The following FSTL5 variants were observed in gnomAD, a reference collection of about 807,000 sequenced individuals.
FSTL5 encodes follistatin like 5.
FSTL5 carries 62 observed loss-of-function variants against 89.1 expected under a neutral mutation model. That is an observed-to-expected ratio of 0.70 (90% confidence interval 0.57 to 0.86). The LOEUF (loss-of-function observed/expected upper bound fraction) is 0.86, where lower values mean the gene tolerates loss of function less well. Ranked by LOEUF, FSTL5 falls within the 40% of genes least tolerant of loss-of-function variation. FSTL5 has a pLI of 0.00. For synonymous variants in FSTL5, 383 were observed against 346.2 expected (o/e 1.11, Z -1.18); for missense variants, 1,057 against 1,001.6 (o/e 1.06, Z -0.75).
intron 8 of FSTL5, among the ~76,000 whole-genome samples, chr4:161,555,834 C>T (rs1279403442): frequency 1.3e-5 from 2 of 151,576 alleles, no homozygotes; most frequent in Non-Finnish European, 3.0e-5. Context: ...GCTGGCTACA[C>T]AGAGAATGTC....
At chr4:161,929,709 T>A (rs1306340692) in intron 3 of FSTL5, among the ~76,000 whole-genome samples, 1 of 131,496 alleles carries the variant, frequency 7.6e-6, no homozygotes, top group East Asian at 2.6e-4. Context: ...GTGTACATAG[T>A]TTAAACTTGG....
intron 3 of FSTL5, among the ~76,000 whole-genome samples, chr4:161,993,548 T>C (rs1284539461): frequency 6.6e-6 from 1 of 152,172 alleles, no homozygotes; most frequent in Non-Finnish European, 1.5e-5. Context: ...AGGGTACATG[T>C]TGTATTTTGA....
intron 2 of FSTL5, among the ~76,000 whole-genome samples, chr4:162,034,253 T>C (rs1737648600): frequency 6.6e-6 from 1 of 152,192 alleles, no homozygotes; most frequent in African/African-American, 2.4e-5. Flanking sequence ...CCTTAGGCCA[T>C]TCCATTTAAT....
intron 2 of FSTL5, among the ~76,000 whole-genome samples, chr4:162,108,267 T>C (rs746508970): frequency 6.6e-6 from 1 of 152,142 alleles, no homozygotes; most frequent in Non-Finnish European, 1.5e-5. Flanking sequence ...TGTTTACATA[T>C]AGTTGTAAAT....
rs1272876208 is a variant in FSTL5, at chr4:161,384,836, C to T, written c.*911G>A. ...CAAAAGTAATGTTTCTTTTTTAAAA[C>T]CGAAAGTTCCTGATGATGAAACATT... On this transcript the variant is annotated 3_prime_UTR_variant, in exon 16 of 16. Coordinates refer to ENST00000306100, the MANE Select transcript of FSTL5 (RefSeq NM_020116.5). 1.3e-5 allele frequency: 2 copies of T among 151,938 alleles called. No individual in the cohort carries two copies. Among genetic ancestry groups the T allele is most frequent in the Non-Finnish European group, 2.9e-5 (2 of 67,966 alleles). The allele number at this position is 151,938 out of a possible 1,614,324, so 9.4% of individuals were successfully genotyped here.
intron 15 of FSTL5, among the ~76,000 whole-genome samples, chr4:161,409,983 G>A (rs1731532228): frequency 6.6e-6 from 1 of 152,156 alleles, no homozygotes; most frequent in South Asian, 2.1e-4. Context: ...CTCTCCTCAA[G>A]AGACCGATTT....
At chr4:161,755,462 G>A (rs1740536496) in intron 6 of FSTL5, among the ~76,000 whole-genome samples, 1 of 151,986 alleles carries the variant, frequency 6.6e-6, no homozygotes, top group Non-Finnish European at 1.5e-5. Flanking sequence ...ATGGCAGAGA[G>A]AAAGAACCTG....
chr4:161,442,084 C>T (rs890538209), intron 15 of FSTL5, among the ~76,000 whole-genome samples: 30 of 151,404 alleles, frequency 2.0e-4, no homozygotes, highest in Admixed American at 4.0e-4. Context: ...CCAAAAAGGT[C>T]ACTAAATAAT....
At chr4:161,663,502 C>A (rs376279033) in intron 6 of FSTL5, among the ~76,000 whole-genome samples, 21 of 152,300 alleles carry the variant, frequency 1.4e-4, no homozygotes, top group African/African-American at 4.8e-4. Flanking sequence ...TCTCCTTTGA[C>A]TCCAGGTCTC....
At chr4:161,633,002 A>G (rs1022301555) in intron 7 of FSTL5, among the ~76,000 whole-genome samples, 1 of 151,898 alleles carries the variant, frequency 6.6e-6, no homozygotes, top group African/African-American at 2.4e-5. Context: ...GCTAGAATGG[A>G]TTTTGTTTTC....
At chr4:161,965,677 T>C (rs1020314590) in intron 3 of FSTL5, among the ~76,000 whole-genome samples, 1 of 152,084 alleles carries the variant, frequency 6.6e-6, no homozygotes. Context: ...TTTAAATGTA[T>C]AAAAAAGTGA....
intron 3 of FSTL5, among the ~76,000 whole-genome samples, chr4:161,943,538 C>CTTTTTTTTTTTTTT (rs77101651): frequency 2.9e-5 from 1 of 34,342 alleles, no homozygotes; most frequent in African/African-American, 1.2e-4. Context: ...ACCACTGTAT[C>CTTTTTTTTTTTTTT]TTTTTTTTTT....
chr4:161,519,819 T>C (rs1221414001), intron 10 of FSTL5, among the ~76,000 whole-genome samples: 2 of 152,114 alleles, frequency 1.3e-5, no homozygotes, highest in Non-Finnish European at 1.5e-5. Flanking sequence ...ACTGTATCAT[T>C]TTAAGTATGT....
chr4:161,661,234 T>C (rs1430250604), intron 6 of FSTL5, among the ~76,000 whole-genome samples: 1 of 152,176 alleles, frequency 6.6e-6, no homozygotes, highest in African/African-American at 2.4e-5. Flanking sequence ...GATTCTGCTT[T>C]TCTAAATATC....
At chr4:161,742,523 A>G (rs145072092) in intron 6 of FSTL5, among the ~76,000 whole-genome samples, 135 of 152,322 alleles carry the variant, frequency 8.9e-4, no homozygotes, top group African/African-American at 3.1e-3. Context: ...CTGGGTATAA[A>G]TAGGGTAATG....
intron 4 of FSTL5, among the ~76,000 whole-genome samples, chr4:161,783,853 C>T (rs1280225851): frequency 6.7e-6 from 1 of 149,010 alleles, no homozygotes. Context: ...GCAACCTCTG[C>T]CCCTTGGGTT....
chr4:161,506,139 C>T (rs2126493227), intron 11 of FSTL5, among the ~76,000 whole-genome samples: 1 of 148,354 alleles, frequency 6.7e-6, no homozygotes, highest in East Asian at 2.0e-4. Context: ...GGCAGTGGAG[C>T]GATCACTGCA....
At chr4:161,558,005 T>C (rs2126566520) in intron 8 of FSTL5, among the ~76,000 whole-genome samples, 1 of 151,856 alleles carries the variant, frequency 6.6e-6, no homozygotes, top group South Asian at 2.1e-4. Flanking sequence ...TGCAAATAAG[T>C]GGTTAAACAA....
chr4:161,953,124 T>C (rs1183244320), intron 3 of FSTL5, among the ~76,000 whole-genome samples: 1 of 151,698 alleles, frequency 6.6e-6, no homozygotes, highest in Non-Finnish European at 1.5e-5. Context: ...CCTTAGCAGT[T>C]ATCTCAGGCA....
Sources: gnomAD v4.1 joint callset for allele counts (sites outside exome capture counted in the v4.1 genomes callset) on GRCh38, gnomAD v4.1.1 for gene constraint, MANE v1.5 for transcripts, NCBI Gene and HGNC (gene_info 2026-07-23, HGNC 2026-07-21) for gene names.